The following HIVEP1 variants were observed in gnomAD, a reference collection of about 807,000 sequenced individuals.
HIVEP1 encodes the protein zinc finger protein 40.
Under a neutral mutation model 180.0 loss-of-function variants are expected in HIVEP1, and 36 were observed. The ratio of observed to expected loss-of-function variants is 0.20; its 90% CI spans 0.15 to 0.26. The LOEUF is 0.26. Ranked by LOEUF, HIVEP1 falls within the 10% of genes least tolerant of loss-of-function variation. The pLI, the probability that HIVEP1 is intolerant of heterozygous loss-of-function variation, is 1.00. For synonymous variants in HIVEP1, 1,239 were observed against 1,239.0 expected (o/e 1.00, Z 0.00); for missense variants, 3,143 against 3,268.7 (o/e 0.96, Z 0.94).
chr6:12,010,326 ATAT>A (rs952036863), upstream of HIVEP1, among the ~76,000 whole-genome samples: 2 of 152,150 alleles, frequency 1.3e-5, no homozygotes, highest in Admixed American at 6.5e-5. Context: ...CCTTTACATG[ATAT>A]TATTTTTGGC....
the HIVEP1 span, among the ~76,000 whole-genome samples, chr6:12,179,576 C>T: frequency 7.2e-5 from 11 of 152,288 alleles, no homozygotes; most frequent in South Asian, 2.1e-3. Flanking sequence ...CCTTCTCATC[C>T]CCAGGAGCAG....
chr6:12,209,709 G>T, the HIVEP1 span, among the ~76,000 whole-genome samples: 1 of 152,074 alleles, frequency 6.6e-6, no homozygotes, highest in Non-Finnish European at 1.5e-5. Flanking sequence ...AGTGCTTTAC[G>T]TGTATTGGTT....
chr6:12,059,601 A>AC (rs1459156393), intron 2 of HIVEP1, among the ~76,000 whole-genome samples: 2 of 152,030 alleles, frequency 1.3e-5, no homozygotes, highest in African/African-American at 4.8e-5. Context: ...ATTGCCACCT[A>AC]CCTGGGGTTC....
At chr6:12,097,117 A>C (rs1306063938) in intron 3 of HIVEP1, among the ~76,000 whole-genome samples, 1 of 152,008 alleles carries the variant, frequency 6.6e-6, no homozygotes, top group Non-Finnish European at 1.5e-5. Flanking sequence ...GATGTTAACT[A>C]GTTTATTTTT....
rs779894291 is a variant in HIVEP1, at chr6:12,130,799, G to A, written c.6242G>A (p.Arg2081Gln). 6.2e-6 allele frequency: 10 copies of A among 1,608,202 alleles called. No homozygotes were observed. Among genetic ancestry groups the A allele is most frequent in the South Asian group, 1.1e-5 (1 of 90,832 alleles). Reference sequence around the variant, plus strand: ...TCAAATGAAGAGTATGTATATGTCCGAGGCAGGGGAAGAGGAAAATACATT... The same window carrying A: ...TCAAATGAAGAGTATGTATATGTCCAAGGCAGGGGAAGAGGAAAATACATT... ...YKSNEEYVYVRGRGRGKYICE... is the reference protein window; with the variant it reads ...YKSNEEYVYVQGRGRGKYICE... The change falls in exon 6 of 9, where the codon CGA becomes CAA. Residue 2081 changes from arginine (R) to glutamine (Q), a missense_variant. Physicochemically the swap from Arg to Gln is conservative, Grantham distance 43. This residue lies in a region of HIVEP1 where 3 missense variants were observed against 19.3 expected (regional missense o/e 0.16). Coordinates refer to ENST00000379388, the MANE Select transcript of HIVEP1 (RefSeq NM_002114.4).
intron 3 of HIVEP1, among the ~76,000 whole-genome samples, chr6:12,109,373 G>A (rs567637758): frequency 1.3e-5 from 2 of 152,328 alleles, no homozygotes; most frequent in African/African-American, 4.8e-5. Context: ...GATGGTGTTT[G>A]ATAGCATTTC....
Position 12,161,821 on chromosome 6 carries a change from G to A in HIVEP1, c.6870G>A (p.Pro2290=), listed in dbSNP as rs368104555. 39 of 1,614,012 alleles carry A rather than the reference G, an allele frequency of 2.4e-5. No homozygotes were observed. The highest frequency in any genetic ancestry group is 2.4e-4 in the African/African-American group (18 of 74,930). The change falls in exon 8 of 9, where the codon CCG becomes CCA. Residue 2290 remains proline, a synonymous_variant. Coordinates refer to ENST00000379388, the MANE Select transcript of HIVEP1 (RefSeq NM_002114.4). ...RAARDENDTI[P]SVDTSRSPCH... is the part of the protein sequence containing the mutation. ...CGAGAGATGAAAACGACACAATTCC[G>A]TCTGTAGACACTTCCAGGTCCCCGT...
intron 6 of HIVEP1, among the ~76,000 whole-genome samples, chr6:12,134,048 C>G (rs149679674): frequency 1.3e-5 from 2 of 151,598 alleles, no homozygotes; most frequent in Non-Finnish European, 2.9e-5. Context: ...TATTAACACA[C>G]TGAAAACATT....
chr6:12,039,933 G>A (rs1034405493), intron 2 of HIVEP1, among the ~76,000 whole-genome samples: 1 of 152,174 alleles, frequency 6.6e-6, no homozygotes, highest in African/African-American at 2.4e-5. Context: ...AGGCAGGGCG[G>A]GCATCTGGCC....
intron 2 of HIVEP1, among the ~76,000 whole-genome samples, chr6:12,040,040 C>T (rs183252905): frequency 6.6e-6 from 1 of 151,876 alleles, no homozygotes; most frequent in Non-Finnish European, 1.5e-5. Context: ...GTAAGCCCAA[C>T]AACAGATGAA....
chr6:12,204,361 C>CG, the HIVEP1 span, among the ~76,000 whole-genome samples: 2 of 6,168 alleles, frequency 3.2e-4, no homozygotes, highest in African/African-American at 9.4e-4. Flanking sequence ...CAAGCTTCCT[C>CG]CCTTCCCCGT....
chr6:12,137,857 A>AGATT lies in HIVEP1; in HGVS notation c.6487+1966_6487+1969dup, dbSNP rs1357668806. ...TTCTGTGCTTTTAAAACATATTTGG[A>AGATT]GATTTTTTTACATACAAAAAAGTAC... On this transcript the variant is annotated intron_variant, in intron 7 of 8. Coordinates refer to ENST00000379388, the MANE Select transcript of HIVEP1 (RefSeq NM_002114.4). Among the ~76,000 whole-genome samples the AGATT allele has an allele frequency of 9.2e-5, 14 of 152,328 alleles. No homozygotes were observed. The East Asian group carries it at 1.9e-3, about 21-fold the overall frequency.
the HIVEP1 span, among the ~76,000 whole-genome samples, chr6:12,199,359 C>CTTT: frequency 2.7e-5 from 2 of 72,830 alleles, no homozygotes; most frequent in African/African-American, 1.0e-4. Flanking sequence ...GACTGTCAAT[C>CTTT]CTTTTTTTTT....
chr6:12,112,377 TTTC>T (rs2113464292), intron 3 of HIVEP1, among the ~76,000 whole-genome samples: 1 of 152,278 alleles, frequency 6.6e-6, no homozygotes, highest in African/African-American at 2.4e-5. Context: ...TTTTCTCCCT[TTTC>T]TTCTTTTTCT....
chr6:12,141,747 T>C (rs1759050694), intron 7 of HIVEP1, among the ~76,000 whole-genome samples: 1 of 89,086 alleles, frequency 1.1e-5, no homozygotes, highest in Non-Finnish European at 2.4e-5. Flanking sequence ...TAGTCTCTGA[T>C]AAAACAGACT....
Position 12,164,473 on chromosome 6 carries a change from TTTTA to T in HIVEP1, c.*16_*19del. The T allele has an allele frequency of 6.4e-7, 1 of 1,561,776 alleles. No individual in the cohort carries two copies. On this transcript the variant is annotated 3_prime_UTR_variant, in exon 9 of 9. Transcript: ENST00000379388. Reference sequence around the variant, plus strand: ...TGATAGCAACCTGATGGATTTTATTTTTTATTTGCTTTTTTTTTATATAACACTT... The same window carrying T: ...TGATAGCAACCTGATGGATTTTATTTTTTGCTTTTTTTTTATATAACACTT...
chr6:12,129,679 A>C, intron 4 of HIVEP1, 80 bp from the exon 5 acceptor site: 1 of 1,151,188 alleles, frequency 8.7e-7, no homozygotes, highest in Non-Finnish European at 1.3e-6. Flanking sequence ...GTACTCTGCC[A>C]TGTTTTAATT....
chr6:12,198,314 A>C, the HIVEP1 span, among the ~76,000 whole-genome samples: 2 of 152,240 alleles, frequency 1.3e-5, no homozygotes, highest in African/African-American at 4.8e-5. Flanking sequence ...CATAGAAAAA[A>C]GTTCATTGTT....
chr6:12,125,585 G>A lies in HIVEP1; in HGVS notation c.5790G>A (p.Gln1930=), dbSNP rs1019439305. The A allele has an allele frequency of 1.2e-6, 2 of 1,614,074 alleles. No individual in the cohort carries two copies. Among genetic ancestry groups the A allele is most frequent in the African/African-American group, 2.7e-5 (2 of 74,928 alleles). Residue 1930 remains glutamine (Q), a synonymous_variant, in exon 4 of 9, where the codon CAG becomes CAA. Coordinates refer to ENST00000379388, the MANE Select transcript of HIVEP1 (RefSeq NM_002114.4). ...TGTTTAACATCAAGGACACCCAGCA[G>A]CTGGCTTTCCCTAGCCTGAAAACTA... The part of the protein sequence containing the change: ...LSLFNIKDTQ[Q]LAFPSLKTTT...
Sources: allele counts gnomAD v4.1 joint callset (sites outside exome capture counted in the v4.1 genomes callset), GRCh38; gene constraint gnomAD v4.1.1; regional missense constraint gnomAD v4.1.1; transcripts MANE v1.5; gene names NCBI Gene and HGNC (gene_info 2026-07-23, HGNC 2026-07-21).